HEMK2: variants seen among roughly 807,000 people sequenced by gnomAD.
The protein encoded by HEMK2 is methyltransferase HEMK2.
chr21:28,885,177 A>C, the HEMK2 span: 313 of 1,516,722 alleles, frequency 2.1e-4, no homozygotes, highest in Non-Finnish European at 2.7e-4. Flanking sequence ...GAAAGCCGCA[A>C]CCCTTTCCCG....
chr21:28,581,779 C>G, the HEMK2 span, among the ~76,000 whole-genome samples: 1 of 152,092 alleles, frequency 6.6e-6, no homozygotes, highest in Non-Finnish European at 1.5e-5. Flanking sequence ...TTAAAGCCAC[C>G]TAGAGAATTG....
At chr21:28,786,909 C>T in the HEMK2 span, among the ~76,000 whole-genome samples, 2 of 152,046 alleles carry the variant, frequency 1.3e-5, no homozygotes, top group African/African-American at 4.8e-5. Flanking sequence ...TCATTCTTCA[C>T]AGAGTTAGAA....
chr21:28,785,250 A>C, the HEMK2 span, among the ~76,000 whole-genome samples: 1 of 152,250 alleles, frequency 6.6e-6, no homozygotes, highest in Non-Finnish European at 1.5e-5. Context: ...AGTGAGACCA[A>C]GAACACACCA....
the HEMK2 span, among the ~76,000 whole-genome samples, chr21:28,792,487 G>A: frequency 6.6e-6 from 1 of 152,112 alleles, no homozygotes; most frequent in Non-Finnish European, 1.5e-5. Context: ...AAAGCTCAGG[G>A]ACTCCAAAGA....
chr21:28,831,275 G>A, the HEMK2 span, among the ~76,000 whole-genome samples: 14 of 151,162 alleles, frequency 9.3e-5, no homozygotes, highest in East Asian at 3.9e-4. Flanking sequence ...CGAAACCCCC[G>A]TCTCTACTAA....
At chr21:28,879,546 A>C in the HEMK2 span, among the ~76,000 whole-genome samples, 1 of 152,178 alleles carries the variant, frequency 6.6e-6, no homozygotes, top group Admixed American at 6.5e-5. Context: ...GGCCAGTTAA[A>C]ACCTTTTGTT....
the HEMK2 span, among the ~76,000 whole-genome samples, chr21:28,884,698 G>C: frequency 6.6e-6 from 1 of 152,182 alleles, no homozygotes; most frequent in South Asian, 2.1e-4. Context: ...CACATGTGAG[G>C]ACTGGCTGGT....
At chr21:28,625,087 A>C in the HEMK2 span, among the ~76,000 whole-genome samples, 1 of 152,314 alleles carries the variant, frequency 6.6e-6, no homozygotes, top group South Asian at 2.1e-4. Flanking sequence ...TAAGTCATGC[A>C]CCCAACTTAC....
chr21:28,649,665 A>C, the HEMK2 span, among the ~76,000 whole-genome samples: 150 of 152,284 alleles, frequency 9.9e-4, 1 homozygote, highest in Admixed American at 5.2e-3. Flanking sequence ...GATGATCAGG[A>C]AGGCTTTTCA....
the HEMK2 span, among the ~76,000 whole-genome samples, chr21:28,883,777 T>G: frequency 6.6e-6 from 1 of 152,174 alleles, no homozygotes; most frequent in Admixed American, 6.5e-5. Context: ...TAGAGTGCAG[T>G]GGTGCCATCA....
chr21:28,669,953 T>C, the HEMK2 span, among the ~76,000 whole-genome samples: 4 of 152,182 alleles, frequency 2.6e-5, no homozygotes, highest in Non-Finnish European at 5.9e-5. Flanking sequence ...ACATTAAGGA[T>C]ATATACTACT....
the HEMK2 span, among the ~76,000 whole-genome samples, chr21:28,598,347 G>A: frequency 6.6e-6 from 1 of 152,316 alleles, no homozygotes; most frequent in South Asian, 2.1e-4. Flanking sequence ...TTGCTTTGAG[G>A]TGCTGGAGTA....
chr21:28,734,267 C>T, the HEMK2 span, among the ~76,000 whole-genome samples: 3 of 152,188 alleles, frequency 2.0e-5, no homozygotes, highest in East Asian at 5.8e-4. Context: ...CACACAGAGA[C>T]ACACTGCATA....
the HEMK2 span, among the ~76,000 whole-genome samples, chr21:28,883,530 C>T: frequency 1.1e-5 from 1 of 88,548 alleles, no homozygotes; most frequent in African/African-American, 2.9e-5. Flanking sequence ...ATCAGTATAT[C>T]CTAGAGAATT....
chr21:28,585,721 A>C, the HEMK2 span, among the ~76,000 whole-genome samples: 1 of 152,212 alleles, frequency 6.6e-6, no homozygotes, highest in Non-Finnish European at 1.5e-5. Flanking sequence ...GGAAAGAGTA[A>C]GAAAGCCCAA....
chr21:28,814,741 G>A, the HEMK2 span, among the ~76,000 whole-genome samples: 1 of 152,122 alleles, frequency 6.6e-6, no homozygotes, highest in South Asian at 2.1e-4. Flanking sequence ...ACAGGTGCTG[G>A]AGAGGATGTG....
chr21:28,576,462 A>T, the HEMK2 span, among the ~76,000 whole-genome samples: 1 of 82,242 alleles, frequency 1.2e-5, no homozygotes, highest in African/African-American at 3.5e-5. Flanking sequence ...TGGAATTTTT[A>T]AAATATCAAC....
chr21:28,799,785 C>A, the HEMK2 span, among the ~76,000 whole-genome samples: 2 of 152,160 alleles, frequency 1.3e-5, no homozygotes, highest in Admixed American at 6.5e-5. Context: ...TTTAACTTAT[C>A]CTCTCATTCT....
At chr21:28,737,123 T>C in the HEMK2 span, among the ~76,000 whole-genome samples, 1 of 152,106 alleles carries the variant, frequency 6.6e-6, no homozygotes, top group African/African-American at 2.4e-5. Flanking sequence ...GTTGGTTGGT[T>C]GGTTAATTGG....
Sources: gnomAD v4.1 joint callset for allele counts (sites outside exome capture counted in the v4.1 genomes callset) on GRCh38, gnomAD v4.1.1 for gene constraint, MANE v1.5 for transcripts, NCBI Gene and HGNC (gene_info 2026-07-23, HGNC 2026-07-21) for gene names.